AFF3: variants seen among roughly 807,000 people sequenced by gnomAD.
AFF3 encodes ALF transcription elongation factor 3.
A neutral mutation model predicts 129.7 loss-of-function variants in AFF3; 32 were observed. That is an observed-to-expected ratio of 0.25 (90% confidence interval 0.19 to 0.33). The LOEUF (loss-of-function observed/expected upper bound fraction) is 0.33, where lower values mean the gene tolerates loss of function less well. Ranked by LOEUF, AFF3 falls within the 10% of genes least tolerant of loss-of-function variation. AFF3 has a pLI of 1.00. For missense variants in AFF3, 1,373 were observed against 1,592.0 expected (o/e 0.86, Z 2.34); for synonymous variants, 644 against 635.4 (o/e 1.01, Z -0.20).
intron 7 of AFF3, among the ~76,000 whole-genome samples, chr2:99,876,914 T>C (rs771052788): frequency 2.0e-5 from 3 of 152,156 alleles, no homozygotes; most frequent in African/African-American, 4.8e-5. Flanking sequence ...CTCATTCATA[T>C]TGAAAGGTTT....
At chr2:99,679,138 G>T (rs1482007683) in intron 11 of AFF3, among the ~76,000 whole-genome samples, 3 of 152,078 alleles carry the variant, frequency 2.0e-5, no homozygotes, top group Admixed American at 2.0e-4. Context: ...TGACCTAAGT[G>T]TTTCCAACTC....
At chr2:99,592,949 A>AG in intron 15 of AFF3, among the ~76,000 whole-genome samples, 1 of 140,098 alleles carries the variant, frequency 7.1e-6, no homozygotes, top group Non-Finnish European at 1.5e-5. Context: ...CCCCCAAAAA[A>AG]AGGGATAATA....
intron 8 of AFF3, among the ~76,000 whole-genome samples, chr2:99,785,453 G>C (rs1684721045): frequency 6.6e-6 from 1 of 152,140 alleles, no homozygotes; most frequent in African/African-American, 2.4e-5. Flanking sequence ...ACAACTACCA[G>C]AGACAGGAAG....
intron 7 of AFF3, among the ~76,000 whole-genome samples, chr2:99,937,425 A>G (rs1674617025): frequency 6.6e-6 from 1 of 152,056 alleles, no homozygotes; most frequent in Non-Finnish European, 1.5e-5. Flanking sequence ...TTTAAGACGG[A>G]GTCTCGCTCT....
At chr2:99,995,356 A>G (rs1327091268) in intron 7 of AFF3, among the ~76,000 whole-genome samples, 1 of 152,086 alleles carries the variant, frequency 6.6e-6, no homozygotes, top group African/African-American at 2.4e-5. Flanking sequence ...AACAAATTCC[A>G]GATGATAACT....
chr2:99,594,074 C>A lies in AFF3; in HGVS notation c.1587G>T (p.Glu529Asp), dbSNP rs1558619825. The change falls in exon 15 of 25, where the codon GAG becomes GAT. Residue 529 changes from glutamate to aspartate, a missense_variant. Physicochemically the swap from Glu to Asp is conservative, Grantham distance 45 (BLOSUM62 2). Transcript: ENST00000672756. ...TGTTGGCTGTCCTTGGCCTTTGCTCCTCCTTGCAAGTGCTCTTGATCTCCT... is the reference window on the plus strand; with the variant it reads ...TGTTGGCTGTCCTTGGCCTTTGCTCATCCTTGCAAGTGCTCTTGATCTCCT... ...REKEIKSTCK[E>D]EQRPRTANKA... 1 of 1,613,822 alleles carries A rather than the reference C, an allele frequency of 6.2e-7. No individual in the cohort carries two copies. Among genetic ancestry groups the A allele is most frequent in the Non-Finnish European group, 8.5e-7 (1 of 1,179,812 alleles).
chr2:99,748,744 A>G (rs892856441), intron 9 of AFF3, among the ~76,000 whole-genome samples: 3 of 152,238 alleles, frequency 2.0e-5, no homozygotes, highest in African/African-American at 7.2e-5. Flanking sequence ...AAAAAAAAGT[A>G]TAAGTGACAA....
chr2:99,733,607 A>G (rs1680018437), intron 10 of AFF3, among the ~76,000 whole-genome samples: 1 of 152,182 alleles, frequency 6.6e-6, no homozygotes, highest in African/African-American at 2.4e-5. Flanking sequence ...TTTTTAAAAA[A>G]TACCTGGATT....
At chr2:99,863,401 T>C (rs1691143945) in intron 7 of AFF3, among the ~76,000 whole-genome samples, 1 of 152,328 alleles carries the variant, frequency 6.6e-6, no homozygotes, top group African/African-American at 2.4e-5. Flanking sequence ...AGTTAGACTA[T>C]TCTATTTGTC....
chr2:99,857,777 C>A (rs1690637629), intron 7 of AFF3, among the ~76,000 whole-genome samples: 1 of 152,184 alleles, frequency 6.6e-6, no homozygotes, highest in East Asian at 1.9e-4. Context: ...TCCATTGTCA[C>A]ATTTTTCCTT....
chr2:99,774,149 G>A (rs1226110777), intron 8 of AFF3, among the ~76,000 whole-genome samples: 1 of 152,192 alleles, frequency 6.6e-6, no homozygotes, highest in Non-Finnish European at 1.5e-5. Context: ...TCATGAAAAT[G>A]GCCACACTGC....
At chr2:99,790,646 G>C (rs1049626037) in intron 8 of AFF3, among the ~76,000 whole-genome samples, 1 of 152,148 alleles carries the variant, frequency 6.6e-6, no homozygotes, top group Non-Finnish European at 1.5e-5. Flanking sequence ...GGCATCAAGT[G>C]GGTAGATGCC....
rs374931378 is a variant in AFF3, at chr2:99,647,887, T to C, written c.1184+1739A>G. Among the ~76,000 whole-genome samples, 491 of 152,266 alleles carry C rather than the reference T, an allele frequency of 3.2e-3. 3 individuals carry two copies. The Middle Eastern group carries it at 0.037, about 12-fold the overall frequency. ...GGTGGGGAATGGGCTTGACAAGGGA[T>C]TTTTTGTGAAAATATCAGAAAAAAA... is the stretch of plus-strand genomic sequence containing the variant. On this transcript the variant is annotated intron_variant, in intron 13 of 24. Transcript: ENST00000672756.
intron 13 of AFF3, among the ~76,000 whole-genome samples, chr2:99,640,956 C>T (rs1684139305): frequency 6.6e-6 from 1 of 152,172 alleles, no homozygotes; most frequent in Non-Finnish European, 1.5e-5. Context: ...AAGATCCCTC[C>T]CATGAGTTCT....
intron 7 of AFF3, among the ~76,000 whole-genome samples, chr2:99,852,000 C>T (rs948424167): frequency 6.6e-6 from 1 of 152,188 alleles, no homozygotes; most frequent in Non-Finnish European, 1.5e-5. Flanking sequence ...CAGCAATGAT[C>T]AAGGGTAAAC....
chr2:99,999,671 T>C (rs181123184), intron 7 of AFF3, among the ~76,000 whole-genome samples: 30 of 152,334 alleles, frequency 2.0e-4, no homozygotes, highest in African/African-American at 6.5e-4. Context: ...GAATTGTTTC[T>C]GAGGGCTATG....
In AFF3 at chr2:99,582,885, A is replaced by C; in HGVS notation, c.2706T>G (p.Pro902=). The change falls in exon 17 of 25, where the codon CCT becomes CCG. Residue 902 remains proline (P), a synonymous_variant. Coordinates refer to ENST00000672756, the MANE Select transcript of AFF3 (RefSeq NM_001386135.1). ...TSEDLTSSSR[P]NGNSLFTSAS... ...CTGAAGTAAACAAACTGTTGCCATTAGGTCGGCTGGAAGAAGTTAAGTCCT... is the reference window on the plus strand; with the variant it reads ...CTGAAGTAAACAAACTGTTGCCATTCGGTCGGCTGGAAGAAGTTAAGTCCT... 1 of 1,614,246 alleles carries C rather than the reference A, an allele frequency of 6.2e-7. No homozygotes were observed. The highest frequency in any genetic ancestry group is 8.5e-7 in the Non-Finnish European group (1 of 1,180,050).
chr2:99,683,082 A>G (rs1674680196), intron 11 of AFF3, among the ~76,000 whole-genome samples: 2 of 152,156 alleles, frequency 1.3e-5, no homozygotes, highest in South Asian at 4.1e-4. Flanking sequence ...TTAAGTGTCT[A>G]CTTGAAATAC....
At chr2:99,997,373 T>A (rs1337503766) in intron 7 of AFF3, among the ~76,000 whole-genome samples, 1 of 152,178 alleles carries the variant, frequency 6.6e-6, no homozygotes, top group Non-Finnish European at 1.5e-5. Flanking sequence ...AGTTCCTCTG[T>A]CTGCCAACCA....
Sources: allele counts gnomAD v4.1 joint callset (sites outside exome capture counted in the v4.1 genomes callset), GRCh38; gene constraint gnomAD v4.1.1; transcripts MANE v1.5; gene names NCBI Gene and HGNC (gene_info 2026-07-23, HGNC 2026-07-21).